CLIP1: variants seen among roughly 807,000 people sequenced by gnomAD.
The protein encoded by CLIP1 is CAP-Gly domain containing linker protein 1, also known as CAP-Gly domain-containing linker protein 1.
Under a neutral mutation model 161.6 loss-of-function variants are expected in CLIP1, and 66 were observed. The observed-to-expected ratio is 0.41, with a 90% CI of 0.33 to 0.50. CLIP1 has a LOEUF of 0.50. Ranked by LOEUF, CLIP1 falls within the 20% of genes least tolerant of loss-of-function variation. The pLI is 0.27. For missense variants in CLIP1, 1,376 were observed against 1,702.0 expected, an observed-to-expected ratio of 0.81 and a Z score of 3.37; for synonymous variants, 598 against 626.2, an observed-to-expected ratio of 0.96 and a Z score of 0.67.
intron 24 of CLIP1, among the ~76,000 whole-genome samples, chr12:122,276,077 A>C (rs185695525): frequency 6.6e-6 from 1 of 152,202 alleles, no homozygotes; most frequent in Non-Finnish European, 1.5e-5. Flanking sequence ...CATTTCTCTA[A>C]ACTGAAAGAT....
Position 122,276,949 on chromosome 12 carries a change from G to A in CLIP1, c.3966+1205C>T, listed in dbSNP as rs1238309757. On this transcript the variant is annotated intron_variant, in intron 24 of 25. Coordinates refer to ENST00000620786, the MANE Select transcript of CLIP1 (RefSeq NM_001247997.2). ...ATTGCAGGTGTGAGCTGCTGTGCCC[G>A]GGCCCCCCACCCCACCTTTTTTTTT... 4.4e-5 allele frequency: 7 copies of A among 157,712 alleles called. No homozygotes were observed. The East Asian group carries it at 7.5e-4, about 17-fold the overall frequency. The allele number at this position is 157,712 out of a possible 1,614,324, so 9.8% of individuals were successfully genotyped here.
intron 2 of CLIP1, among the ~76,000 whole-genome samples, chr12:122,379,191 C>G (rs768324557): frequency 6.6e-6 from 1 of 151,986 alleles, no homozygotes; most frequent in Admixed American, 6.6e-5. Flanking sequence ...GCCATTAATC[C>G]CAGCTACTCT....
intron 17 of CLIP1, among the ~76,000 whole-genome samples, chr12:122,324,974 T>G (rs192006890): frequency 6.6e-6 from 1 of 152,144 alleles, no homozygotes; most frequent in Non-Finnish European, 1.5e-5. Context: ...AATAGTTTTT[T>G]TTTTTTATTT....
intron 18 of CLIP1, among the ~76,000 whole-genome samples, chr12:122,317,888 C>T (rs938929404): frequency 1.3e-5 from 2 of 152,204 alleles, no homozygotes; most frequent in African/African-American, 4.8e-5. Context: ...ACCAAGGGAT[C>T]TGTTATAGAA....
intron 3 of CLIP1, among the ~76,000 whole-genome samples, chr12:122,372,289 A>G (rs1027983661): frequency 5.9e-5 from 9 of 152,160 alleles, no homozygotes; most frequent in Admixed American, 5.9e-4. Context: ...GCGTGGTGGC[A>G]CATCCAGATA....
intron 1 of CLIP1, among the ~76,000 whole-genome samples, chr12:122,392,763 A>T (rs1955713668): frequency 6.6e-6 from 1 of 152,118 alleles, no homozygotes; most frequent in Non-Finnish European, 1.5e-5. Context: ...AAGAATACAT[A>T]CTAAAAGCAC....
At chr12:122,315,733 C>T (rs1022455229) in intron 19 of CLIP1, among the ~76,000 whole-genome samples, 2 of 151,552 alleles carry the variant, frequency 1.3e-5, no homozygotes, top group East Asian at 2.0e-4. Context: ...CTCCGCCTCC[C>T]GGGTTCACGC....
chr12:122,365,968 C>T (rs890942735), intron 3 of CLIP1, among the ~76,000 whole-genome samples: 1 of 151,926 alleles, frequency 6.6e-6, no homozygotes, highest in Admixed American at 6.6e-5. Flanking sequence ...ACAGTTGTAC[C>T]ACTGCACTCC....
At chr12:122,327,823 A>G (rs1593075468) in intron 17 of CLIP1, 124 bp downstream of exon 17, 1 of 763,682 alleles carries the variant, frequency 1.3e-6, no homozygotes, top group Non-Finnish European at 2.2e-6. Flanking sequence ...CGCACTCAGA[A>G]GGGTAACGTC....
At chr12:122,338,271 G>C (rs2136318074) in intron 11 of CLIP1, among the ~76,000 whole-genome samples, 2 of 152,304 alleles carry the variant, frequency 1.3e-5, no homozygotes, top group South Asian at 4.1e-4. Flanking sequence ...CTGGGAGGCG[G>C]AGGCTGCAGT....
At chr12:122,306,261 T>C (rs1950870428) in intron 20 of CLIP1, among the ~76,000 whole-genome samples, 1 of 152,004 alleles carries the variant, frequency 6.6e-6, no homozygotes, top group African/African-American at 2.4e-5. Context: ...TAACAGTCCT[T>C]AATAAACTCC....
chr12:122,274,053 A>G lies in CLIP1; in HGVS notation c.4076T>C (p.Leu1359Pro). ...TATGAAATACCTGTCATAATTGTTTAGGTCATCCCCGTTCCCATTCAGGGC... is the reference window on the plus strand; with the variant it reads ...TATGAAATACCTGTCATAATTGTTTGGGTCATCCCCGTTCCCATTCAGGGC... ...EAALNGNGDD[L>P]NNYDSDDQEK... The change falls in exon 25 of 26, where the codon CTA becomes CCA. Residue 1359 changes from leucine (L) to proline (P), a missense_variant. Around this residue, in one of 6 missense-constraint regions of CLIP1, gnomAD observed 948 missense variants for 1,134.8 expected, o/e 0.84. Transcript: ENST00000620786. 7 of 1,613,794 alleles carry G rather than the reference A, an allele frequency of 4.3e-6. No individual in the cohort carries two copies. Among genetic ancestry groups the G allele is most frequent in the Non-Finnish European group, 5.9e-6 (7 of 1,179,820 alleles).
intron 19 of CLIP1, among the ~76,000 whole-genome samples, chr12:122,313,947 A>T (rs555836751): frequency 4.6e-5 from 7 of 152,056 alleles, no homozygotes; most frequent in Admixed American, 4.6e-4. Flanking sequence ...ATTTGAGGCC[A>T]GGAGTTCAAG....
rs75285820 is a variant in CLIP1, at chr12:122,412,587, G to T, written c.-107+9934C>A. Among the ~76,000 whole-genome samples the T allele has an allele frequency of 2.6e-5, 4 of 152,016 alleles. No individual in the cohort carries two copies. In the East Asian group the frequency reaches 7.8e-4, roughly 30 times the overall value. On this transcript the variant is annotated intron_variant, in intron 1 of 25. Coordinates refer to ENST00000620786, the MANE Select transcript of CLIP1 (RefSeq NM_001247997.2). Reference sequence around the variant, plus strand: ...GGAGAATCATTTGAACTCGGTAGGCGGAGGTTGCAGTGAGTCAAGATCACG... The same window carrying T: ...GGAGAATCATTTGAACTCGGTAGGCTGAGGTTGCAGTGAGTCAAGATCACG...
rs1951780544 is a variant in CLIP1, at chr12:122,328,141, G to A, written c.3055C>T (p.His1019Tyr). 6.2e-7 allele frequency: 1 copy of A among 1,614,114 alleles called. No homozygotes were observed. The highest frequency in any genetic ancestry group is 8.5e-7 in the Non-Finnish European group (1 of 1,180,026). Residue 1019 changes from histidine (H) to tyrosine (Y), a missense_variant, in exon 17 of 26, where the codon CAC becomes TAC. His to Tyr is a moderately conservative substitution (Grantham distance 83). This residue lies in a region of CLIP1 where 948 missense variants were observed against 1,134.8 expected (regional missense o/e 0.84). Transcript: ENST00000620786. ...GCTTTCAGCTCCTGACACTGGTTGT[G>A]GCTTGTTTCCATTTTCTTTTCCTGC... ...SDLEKKMETS[H>Y]NQCQELKARY... is the part of the protein sequence containing the mutation.
intron 1 of CLIP1, among the ~76,000 whole-genome samples, chr12:122,384,820 T>C (rs887591095): frequency 1.3e-5 from 2 of 151,266 alleles, no homozygotes; most frequent in African/African-American, 4.9e-5. Flanking sequence ...TTTTTTTTTT[T>C]CTCTTCTAAC....
At chr12:122,361,589 G>A (rs571813185) in intron 4 of CLIP1, among the ~76,000 whole-genome samples, 49 of 152,330 alleles carry the variant, frequency 3.2e-4, no homozygotes, top group African/African-American at 1.2e-3. Flanking sequence ...ATGAAGAGTT[G>A]GACGTGGTGG....
intron 10 of CLIP1, chr12:122,342,793 T>G (rs1275448377): frequency 6.8e-6 from 1 of 146,746 alleles, no homozygotes; most frequent in Non-Finnish European, 1.5e-5. Context: ...GCCATTGTAC[T>G]CCAGCCTGGG....
intron 15 of CLIP1, among the ~76,000 whole-genome samples, chr12:122,329,629 C>CAAA (rs571336170): frequency 8.1e-6 from 1 of 123,440 alleles, no homozygotes; most frequent in African/African-American, 3.0e-5. Flanking sequence ...GACTCTGTCT[C>CAAA]AAAAAAAAAA....
Sources: gnomAD v4.1 joint callset for allele counts (sites outside exome capture counted in the v4.1 genomes callset) on GRCh38, gnomAD v4.1.1 for gene constraint, gnomAD v4.1.1 regional missense constraint, MANE v1.5 for transcripts, NCBI Gene and HGNC (gene_info 2026-07-23, HGNC 2026-07-21) for gene names.